Variants in TCEA1 observed in about 807,000 individuals in gnomAD.
The protein encoded by TCEA1 is transcription elongation factor A1.
Under a neutral mutation model 43.8 loss-of-function variants are expected in TCEA1, and 21 were observed. That is an observed-to-expected ratio of 0.48 (90% CI 0.34 to 0.69). TCEA1 has a LOEUF of 0.69. TCEA1 is among the 30% of genes least tolerant of loss of function. The pLI is 0.01. For synonymous variants in TCEA1, 104 were observed against 117.5 expected (o/e 0.88, Z 0.75); for missense variants, 250 against 365.1 (o/e 0.68, Z 2.57).
chr8:53,967,115 AATT>A lies in TCEA1; in HGVS notation c.*986_*988del, dbSNP rs1290575787. The A allele has an allele frequency of 1.9e-5, 4 of 212,238 alleles. No homozygotes were observed. The highest frequency in any genetic ancestry group is 9.1e-5 in the African/African-American group (4 of 44,146). The allele number at this position is 212,238 out of a possible 1,614,324, so 13.1% of individuals were successfully genotyped here. A position where few individuals can be genotyped will look rare whatever the true frequency, so the allele number is the denominator to read the frequency against. On this transcript the variant is annotated 3_prime_UTR_variant, in exon 10 of 10. Coordinates refer to ENST00000521604, the MANE Select transcript of TCEA1 (RefSeq NM_006756.4). ...AGTCAGCAAATAAGACTTGGGACAA[AATT>A]ATTTTCTATCAGTCTCCACATGGAA... is the stretch of plus-strand genomic sequence containing the variant.
chr8:54,010,902 C>T (rs1425573025), intron 1 of TCEA1, among the ~76,000 whole-genome samples: 1 of 150,066 alleles, frequency 6.7e-6, no homozygotes, highest in African/African-American at 2.5e-5. Context: ...CCTTTGCCTC[C>T]CCTCCTGGGT....
intron 8 of TCEA1, among the ~76,000 whole-genome samples, chr8:53,976,301 G>A (rs566546204): frequency 1.6e-4 from 25 of 152,108 alleles, no homozygotes; most frequent in South Asian, 6.2e-4. Context: ...GAACAGCAGC[G>A]TTCTACTCAC....
chr8:53,968,216 T>A lies in TCEA1; in HGVS notation c.898-104A>T, dbSNP rs951375020. 8 of 952,710 alleles carry A rather than the reference T, an allele frequency of 8.4e-6. No individual in the cohort carries two copies. The African/African-American group carries it at 1.3e-4, about 16-fold the overall frequency. 59.0% of individuals were successfully genotyped at this position (952,710 alleles called of 1,614,324 possible). A position where few individuals can be genotyped will look rare whatever the true frequency, so the allele number is the denominator to read the frequency against. The stretch of plus-strand genomic sequence containing the variant: ...TGATATTGCTTTTAAAAAAGATGCA[T>A]TTTTGAAAAAGATGCTGTATTTTTC... On this transcript the variant is annotated intron_variant, in intron 9 of 9. Transcript: ENST00000521604.
intron 3 of TCEA1, 112 bp downstream of exon 3, chr8:53,999,833 T>C (rs1190790588): frequency 2.6e-6 from 2 of 779,470 alleles, no homozygotes; most frequent in East Asian, 2.7e-5. Flanking sequence ...TTTCAGTATA[T>C]CTAGATTCAC....
intron 4 of TCEA1, among the ~76,000 whole-genome samples, chr8:53,988,665 G>A (rs972857868): frequency 2.6e-5 from 4 of 152,064 alleles, no homozygotes; most frequent in Non-Finnish European, 5.9e-5. Flanking sequence ...CACCCAGGCT[G>A]GAGGGCAATG....
In TCEA1 at chr8:53,970,326, G is replaced by T. The variant is rs746263648; in HGVS notation, c.897+66C>A. ...TATTTAGATATCTAGGCAGACCTAT[G>T]AAAAGACCAGAAGAAATCTTTCTAT... On this transcript the variant is annotated intron_variant, in intron 9 of 9. Coordinates refer to ENST00000521604, the MANE Select transcript of TCEA1 (RefSeq NM_006756.4). 4 of 1,110,394 alleles carry T rather than the reference G, an allele frequency of 3.6e-6. No individual in the cohort carries two copies. The African/African-American group carries it at 4.6e-5, about 13-fold the overall frequency. 68.8% of individuals were successfully genotyped at this position (1,110,394 alleles called of 1,614,324 possible).
intron 3 of TCEA1, among the ~76,000 whole-genome samples, chr8:53,995,617 T>C (rs1383562042): frequency 1.3e-5 from 2 of 152,212 alleles, no homozygotes; most frequent in Non-Finnish European, 2.9e-5. Flanking sequence ...TCTCTCTGTA[T>C]AGAATATAGA....
chr8:53,969,623 A>G (rs1554528013), intron 9 of TCEA1, among the ~76,000 whole-genome samples: 2 of 152,228 alleles, frequency 1.3e-5, no homozygotes, highest in Non-Finnish European at 2.9e-5. Flanking sequence ...TCCGAAATGT[A>G]GGTACTATTT....
At chr8:54,012,015 A>C (rs545087345) in intron 1 of TCEA1, among the ~76,000 whole-genome samples, 2 of 152,332 alleles carry the variant, frequency 1.3e-5, no homozygotes, top group Admixed American at 1.3e-4. Context: ...GTAAAACATT[A>C]AAGTTGTTGG....
intron 2 of TCEA1, among the ~76,000 whole-genome samples, chr8:54,002,531 A>G (rs938516328): frequency 6.6e-6 from 1 of 151,818 alleles, no homozygotes. Flanking sequence ...AAGATTTGAA[A>G]TAAGTTTTTC....
Position 53,984,399 on chromosome 8 carries a change from AT to A in TCEA1, c.641del (p.Asn214IlefsTer10). On this transcript the variant is annotated frameshift_variant, in exon 7 of 10. Coordinates refer to ENST00000521604, the MANE Select transcript of TCEA1 (RefSeq NM_006756.4). LOFTEE classifies it high-confidence loss of function. Reference protein sequence around the residue: ...PNLRKNVLCGNIPPDLFARMT... With the variant: ...PNLRKNVLCGXIPPDLFARMT... The stretch of plus-strand genomic sequence containing the variant: ...TTCTAGCAAATAAGTCAGGAGGAAT[AT>A]TCCCACAGAGGACATTTTTCCTTAA... 6.2e-7 allele frequency: 1 copy of A among 1,605,428 alleles called. No homozygotes were observed. The highest frequency in any genetic ancestry group is 8.5e-7 in the Non-Finnish European group (1 of 1,177,256).
At chr8:53,986,825 T>A in intron 6 of TCEA1, 144 bp downstream of exon 6, 1 of 627,436 alleles carries the variant, frequency 1.6e-6, no homozygotes. Context: ...CTCTTCTGCT[T>A]CTGTTTTCTC....
intron 4 of TCEA1, among the ~76,000 whole-genome samples, chr8:53,989,067 CA>C (rs1012319832): frequency 1.6e-3 from 222 of 135,684 alleles, no homozygotes; most frequent in Admixed American, 2.0e-3. Context: ...GACTCCACCT[CA>C]AAAAAAAAAA....
chr8:53,982,064 G>A (rs1803528398), intron 7 of TCEA1, among the ~76,000 whole-genome samples: 1 of 151,262 alleles, frequency 6.6e-6, no homozygotes, highest in Non-Finnish European at 1.5e-5. Flanking sequence ...ATGCCCAACT[G>A]ACTTTCAAGT....
chr8:53,972,678 A>C (rs1015921068), intron 8 of TCEA1: 3 of 631,240 alleles, frequency 4.8e-6, no homozygotes, highest in Non-Finnish European at 6.1e-6. Context: ...AGAGCTATTA[A>C]GTGTTCCTGA....
intron 2 of TCEA1, among the ~76,000 whole-genome samples, chr8:54,006,090 A>G (rs1368848803): frequency 6.6e-6 from 1 of 152,220 alleles, no homozygotes; most frequent in Non-Finnish European, 1.5e-5. Context: ...TATCACCTAC[A>G]TAACAGCATT....
At chr8:53,975,800 C>T (rs1055197244) in intron 8 of TCEA1, among the ~76,000 whole-genome samples, 1 of 152,040 alleles carries the variant, frequency 6.6e-6, no homozygotes, top group African/African-American at 2.4e-5. Flanking sequence ...AAAAGTGTTC[C>T]GGAGACTGGA....
chr8:53,982,258 A>T (rs562901564), intron 7 of TCEA1, among the ~76,000 whole-genome samples: 1 of 152,098 alleles, frequency 6.6e-6, no homozygotes, highest in African/African-American at 2.4e-5. Flanking sequence ...AGTTTGAAAA[A>T]AGTTGACTCC....
rs140834715 is a variant in TCEA1 at position 53,976,592 on chromosome 8, A to G, written c.825+2433T>C. Among the ~76,000 whole-genome samples the G allele has an allele frequency of 3.7e-3, 565 of 152,338 alleles. 3 individuals are homozygous for G. Among genetic ancestry groups the G allele is most frequent in the African/African-American group, 0.013 (547 of 41,572 alleles). ...GGCTGGGTTCCTTTTGCTAAAAGAAACAAACTTGGTATTTATGTTTTTTGT... is the reference window on the plus strand; with the variant it reads ...GGCTGGGTTCCTTTTGCTAAAAGAAGCAAACTTGGTATTTATGTTTTTTGT... On this transcript the variant is annotated intron_variant, in intron 8 of 9. Coordinates refer to ENST00000521604, the MANE Select transcript of TCEA1 (RefSeq NM_006756.4).
Sources: gnomAD v4.1 joint callset for allele counts (sites outside exome capture counted in the v4.1 genomes callset) on GRCh38, gnomAD v4.1.1 for gene constraint, MANE v1.5 for transcripts, NCBI Gene and HGNC (gene_info 2026-07-23, HGNC 2026-07-21) for gene names.